The following TNFRSF19 variants were observed in gnomAD, a reference collection of about 807,000 sequenced individuals.
TNFRSF19 encodes the protein TNF receptor superfamily member 19, also known as tumor necrosis factor receptor superfamily member 19.
Under a neutral mutation model 46.4 loss-of-function variants are expected in TNFRSF19, and 27 were observed. That is an observed-to-expected ratio of 0.58 (90% confidence interval 0.43 to 0.80). The LOEUF (loss-of-function observed/expected upper bound fraction) is 0.80. Ranked by LOEUF, TNFRSF19 falls within the 30% of genes least tolerant of loss-of-function variation. TNFRSF19 has a pLI of 0.00. For missense variants in TNFRSF19, 511 were observed against 530.8 expected (o/e 0.96, Z 0.37); for synonymous variants, 204 against 205.0 (o/e 1.00, Z 0.04).
At chr13:23,617,144 G>T (rs1298825458) in intron 4 of TNFRSF19, among the ~76,000 whole-genome samples, 2 of 152,062 alleles carry the variant, frequency 1.3e-5, no homozygotes, top group Non-Finnish European at 2.9e-5. Flanking sequence ...CAGACAGAAG[G>T]AACCTCCAGC....
intron 7 of TNFRSF19, among the ~76,000 whole-genome samples, chr13:23,663,607 TG>T (rs1406929801): frequency 6.6e-6 from 1 of 152,180 alleles, no homozygotes; most frequent in African/African-American, 2.4e-5. Context: ...CTTTGTCATG[TG>T]GTAGAATTTG....
At chr13:23,668,546 A>C in intron 8 of TNFRSF19, 146 bp from the exon 9 acceptor site, 2 of 945,008 alleles carry the variant, frequency 2.1e-6, no homozygotes, top group Non-Finnish European at 3.1e-6. Context: ...TATTGAGATG[A>C]GTTTATAACA....
intron 2 of TNFRSF19, among the ~76,000 whole-genome samples, chr13:23,591,672 T>C (rs940836381): frequency 6.6e-6 from 1 of 151,392 alleles, no homozygotes; most frequent in African/African-American, 2.4e-5. Flanking sequence ...GACTGGGAGT[T>C]GAGGAGGAGT....
chr13:23,667,589 T>C (rs2138413974), intron 7 of TNFRSF19, among the ~76,000 whole-genome samples: 1 of 152,306 alleles, frequency 6.6e-6, no homozygotes, highest in Admixed American at 6.5e-5. Context: ...ATTCACCATC[T>C]TAACCATTTT....
intron 4 of TNFRSF19, among the ~76,000 whole-genome samples, chr13:23,626,013 T>A (rs1443321258): frequency 6.6e-6 from 1 of 152,222 alleles, no homozygotes; most frequent in African/African-American, 2.4e-5. Context: ...AGTTGTTTGC[T>A]TATTTTTCAA....
intron 5 of TNFRSF19, among the ~76,000 whole-genome samples, chr13:23,641,628 G>A (rs1236911723): frequency 2.0e-5 from 3 of 152,194 alleles, no homozygotes; most frequent in Non-Finnish European, 4.4e-5. Context: ...ACCGTGCCTG[G>A]CCAGGATTTT....
At chr13:23,640,603 T>C (rs1271366216) in intron 5 of TNFRSF19, among the ~76,000 whole-genome samples, 3 of 152,208 alleles carry the variant, frequency 2.0e-5, no homozygotes, top group Non-Finnish European at 4.4e-5. Flanking sequence ...CACCTTCTCC[T>C]CTCAAGTAGG....
intron 3 of TNFRSF19, among the ~76,000 whole-genome samples, chr13:23,599,581 G>C (rs1396592647): frequency 3.3e-5 from 5 of 152,164 alleles, no homozygotes; most frequent in Admixed American, 1.3e-4. Flanking sequence ...AGGATTTTCT[G>C]ATTGGCTATT....
chr13:23,581,132 C>CTTTTTTTTT lies in TNFRSF19; in HGVS notation c.-34-9013_-34-9005dup, dbSNP rs746641461. On this transcript the variant is annotated intron_variant, in intron 1 of 9. Transcript: ENST00000248484. ...GATGTGCCTTTTCTTTTTTTCTTTT[C>CTTTTTTTTT]TTTTTTTTTTTTTGAAACGGAGTCT... Among the ~76,000 whole-genome samples, 405 of 143,656 alleles carry CTTTTTTTTT rather than the reference C, an allele frequency of 2.8e-3. 3 individuals are homozygous for CTTTTTTTTT. Among genetic ancestry groups the CTTTTTTTTT allele is most frequent in the African/African-American group, 9.6e-3 (373 of 38,836 alleles). 94.2% of individuals were successfully genotyped at this position (143,656 alleles called of 152,430 possible). A position where few individuals can be genotyped will look rare whatever the true frequency, so the allele number is the denominator to read the frequency against.
At chr13:23,622,155 G>C (rs141538077) in intron 4 of TNFRSF19, among the ~76,000 whole-genome samples, 1 of 152,252 alleles carries the variant, frequency 6.6e-6, no homozygotes, top group Non-Finnish European at 1.5e-5. Flanking sequence ...TGTAATCCCA[G>C]CACTTTGGGA....
intron 5 of TNFRSF19, among the ~76,000 whole-genome samples, chr13:23,648,909 C>A (rs543605366): frequency 2.6e-5 from 4 of 152,242 alleles, no homozygotes; most frequent in African/African-American, 7.2e-5. Flanking sequence ...ACTACCATTG[C>A]CTTCCTGGGA....
intron 5 of TNFRSF19, among the ~76,000 whole-genome samples, chr13:23,657,528 T>C (rs1464568917): frequency 6.6e-6 from 1 of 152,212 alleles, no homozygotes; most frequent in Non-Finnish European, 1.5e-5. Context: ...TCAGATGAGC[T>C]GTGTCTTTAA....
chr13:23,629,157 C>T (rs1209951092), intron 5 of TNFRSF19, among the ~76,000 whole-genome samples: 1 of 151,054 alleles, frequency 6.6e-6, no homozygotes, highest in Non-Finnish European at 1.5e-5. Flanking sequence ...TTGAGGAGTT[C>T]CTGTGCTGCT....
At chr13:23,644,393 A>G (rs1203985953) in intron 5 of TNFRSF19, among the ~76,000 whole-genome samples, 3 of 152,104 alleles carry the variant, frequency 2.0e-5, no homozygotes, top group African/African-American at 7.2e-5. Flanking sequence ...ACAAGATCTG[A>G]TGGTTTTATA....
chr13:23,672,068 C>T (rs1334987313), intron 9 of TNFRSF19, among the ~76,000 whole-genome samples: 4 of 152,104 alleles, frequency 2.6e-5, no homozygotes, highest in East Asian at 3.9e-4. Context: ...TCTGTCTTTA[C>T]GTGGTGTAAG....
chr13:23,593,383 G>A lies in TNFRSF19; in HGVS notation c.108G>A (p.Gln36=). Residue 36 remains glutamine, a synonymous_variant, in exon 3 of 10, where the codon CAG becomes CAA. Coordinates refer to ENST00000248484, the MANE Select transcript of TNFRSF19 (RefSeq NM_148957.4). ...CTTGTGAATCAGGAGACTGTAGACA[G>A]CAAGAATTCAGGGATCGGTCTGGAA... The part of the protein sequence containing the change: ...KVTCESGDCR[Q]QEFRDRSGNC... 6.3e-7 allele frequency: 1 copy of A among 1,598,184 alleles called. No individual in the cohort carries two copies. Among genetic ancestry groups the A allele is most frequent in the Middle Eastern group, 1.7e-4 (1 of 6,026 alleles).
rs909796477 is a variant in TNFRSF19 at position 23,631,592 on chromosome 13, T to C, written c.445+4800T>C. On this transcript the variant is annotated intron_variant, in intron 5 of 9. Transcript: ENST00000248484. ...ATTTCTGTGTCCAGAGGTACTCATA[T>C]TTTTGTCTCTTGACATTCAGTGTTA... 4.6e-5 allele frequency among the ~76,000 whole-genome samples: 7 copies of C among 152,260 alleles called. No homozygotes were observed. In the East Asian group the frequency reaches 1.3e-3, roughly 29 times the overall value.
rs1454520948 is a variant in TNFRSF19 at position 23,674,958 on chromosome 13, C to T, written c.*1578C>T. 2 of 152,158 alleles carry T rather than the reference C, an allele frequency of 1.3e-5. No homozygotes were observed. Among genetic ancestry groups the T allele is most frequent in the Admixed American group, 6.5e-5 (1 of 15,282 alleles). The allele number at this position is 152,158 out of a possible 1,614,324, so 9.4% of individuals were successfully genotyped here. A position where few individuals can be genotyped will look rare whatever the true frequency, so the allele number is the denominator to read the frequency against. ...TTTACTAGCTTGCCTGTGTCTGGTA[C>T]ATCTCATGACCTCAATTCCCTCACC... On this transcript the variant is annotated 3_prime_UTR_variant, in exon 10 of 10. Transcript: ENST00000248484.
At chr13:23,603,558 A>C (rs1180452398) in intron 3 of TNFRSF19, among the ~76,000 whole-genome samples, 1 of 152,056 alleles carries the variant, frequency 6.6e-6, no homozygotes, top group Non-Finnish European at 1.5e-5. Context: ...AAGATACAAA[A>C]ATTCTCAACA....
Sources: allele counts gnomAD v4.1 joint callset (sites outside exome capture counted in the v4.1 genomes callset), GRCh38; gene constraint gnomAD v4.1.1; transcripts MANE v1.5; gene names NCBI Gene and HGNC (gene_info 2026-07-23, HGNC 2026-07-21).